The following DNER variants were observed in gnomAD, a reference collection of about 807,000 sequenced individuals.
DNER encodes the protein delta and Notch-like epidermal growth factor-related receptor.
DNER carries 33 observed loss-of-function variants against 78.2 expected under a neutral mutation model. The observed-to-expected ratio is 0.42, with a 90% CI of 0.32 to 0.56. The LOEUF (loss-of-function observed/expected upper bound fraction) is 0.56, where lower values mean the gene tolerates loss of function less well. Among genes scored for constraint, DNER ranks in the 20% least tolerant of loss-of-function variants. DNER has a pLI of 0.11. For missense variants in DNER, 918 were observed against 975.3 expected (o/e 0.94, Z 0.78); for synonymous variants, 417 against 384.8 (o/e 1.08, Z -0.98).
At chr2:229,647,462 G>A (rs7604951) in intron 1 of DNER, among the ~76,000 whole-genome samples, 107,604 of 152,150 alleles carry the variant, frequency 0.71, 40,318 homozygotes, top group Non-Finnish European at 0.83. Context: ...ACATAAACCC[G>A]GAAATGCTTA....
At chr2:229,673,344 C>G (rs375545241) in intron 1 of DNER, among the ~76,000 whole-genome samples, 4 of 152,274 alleles carry the variant, frequency 2.6e-5, no homozygotes, top group Middle Eastern at 3.4e-3. Flanking sequence ...TGACATCATC[C>G]GCAGCAGTTC....
chr2:229,627,960 T>C (rs750603038), intron 1 of DNER, among the ~76,000 whole-genome samples: 1 of 152,200 alleles, frequency 6.6e-6, no homozygotes, highest in Non-Finnish European at 1.5e-5. Context: ...ACATTGCCAC[T>C]TTCCAATCAG....
chr2:229,520,824 T>C (rs965553536), intron 5 of DNER, among the ~76,000 whole-genome samples: 1 of 152,200 alleles, frequency 6.6e-6, no homozygotes, highest in Non-Finnish European at 1.5e-5. Context: ...TTATTTCATA[T>C]CCAAGTGCCA....
chr2:229,630,146 A>T (rs16826282), intron 1 of DNER, among the ~76,000 whole-genome samples: 2,534 of 152,242 alleles, frequency 0.017, 70 homozygotes, highest in African/African-American at 0.057. Flanking sequence ...CCAACTATAA[A>T]AAGAGACCCT....
chr2:229,668,129 A>C (rs1472232759), intron 1 of DNER, among the ~76,000 whole-genome samples: 2 of 152,148 alleles, frequency 1.3e-5, no homozygotes, highest in East Asian at 3.9e-4. Flanking sequence ...TCATGACTGC[A>C]TACACCACCA....
intron 11 of DNER, among the ~76,000 whole-genome samples, chr2:229,381,771 G>C (rs1389283650): frequency 6.6e-6 from 1 of 152,226 alleles, no homozygotes; most frequent in Non-Finnish European, 1.5e-5. Flanking sequence ...AAAAGCAGCA[G>C]CCTCAGTAAG....
chr2:229,707,405 T>C (rs908952511), intron 1 of DNER, among the ~76,000 whole-genome samples: 2 of 152,156 alleles, frequency 1.3e-5, no homozygotes, highest in African/African-American at 4.8e-5. Context: ...AAGCATTTAT[T>C]GAAAAATATT....
chr2:229,369,381 T>C (rs1692429174), intron 11 of DNER, among the ~76,000 whole-genome samples: 2 of 151,030 alleles, frequency 1.3e-5, no homozygotes, highest in African/African-American at 2.4e-5. Context: ...AAGTTTTAAC[T>C]TTCTAAAAAG....
intron 1 of DNER, among the ~76,000 whole-genome samples, chr2:229,618,982 G>T (rs763963662): frequency 2.0e-5 from 3 of 152,042 alleles, no homozygotes; most frequent in Non-Finnish European, 4.4e-5. Flanking sequence ...CACTCCTGCT[G>T]CCCATCTCTA....
chr2:229,559,230 C>T (rs1696911268), intron 4 of DNER, among the ~76,000 whole-genome samples: 1 of 152,026 alleles, frequency 6.6e-6, no homozygotes, highest in Non-Finnish European at 1.5e-5. Flanking sequence ...TTAGAAACAT[C>T]ATGGCTGAAG....
At chr2:229,389,215 G>T (rs144783957) in intron 10 of DNER, among the ~76,000 whole-genome samples, 82 of 152,088 alleles carry the variant, frequency 5.4e-4, no homozygotes, top group African/African-American at 1.8e-3. Flanking sequence ...AACTTTTCAG[G>T]ACACCTTTGC....
At chr2:229,667,637 C>T (rs928222593) in intron 1 of DNER, among the ~76,000 whole-genome samples, 1 of 152,122 alleles carries the variant, frequency 6.6e-6, no homozygotes, top group Non-Finnish European at 1.5e-5. Flanking sequence ...AAATGACAGC[C>T]ATTTGGGAGT....
intron 5 of DNER, among the ~76,000 whole-genome samples, chr2:229,546,109 T>C (rs1221939385): frequency 6.6e-6 from 1 of 152,242 alleles, no homozygotes; most frequent in Non-Finnish European, 1.5e-5. Flanking sequence ...GAAAATCATA[T>C]GGAGATTTAA....
Position 229,684,120 on chromosome 2 carries a change from GTGTTTGTGTGTGTGTC to G in DNER, c.276+30012_276+30027del, listed in dbSNP as rs1445998401. ...TACCAGAGTGTGTGTGTGTGTGTGT[GTGTTTGTGTGTGTGTC>G]TGTGTATGTGAGAGAGAGAGAGAGA... is the stretch of plus-strand genomic sequence containing the variant. On this transcript the variant is annotated intron_variant, in intron 1 of 12. Transcript: ENST00000341772. Among the ~76,000 whole-genome samples, 14 of 113,736 alleles carry G rather than the reference GTGTTTGTGTGTGTGTC, an allele frequency of 1.2e-4. No individual in the cohort carries two copies. In the East Asian group the frequency reaches 3.4e-3, roughly 28 times the overall value. 74.6% of individuals were successfully genotyped at this position (113,736 alleles called of 152,430 possible).
At chr2:229,436,553 A>G (rs1043758811) in intron 8 of DNER, among the ~76,000 whole-genome samples, 1 of 152,206 alleles carries the variant, frequency 6.6e-6, no homozygotes, top group African/African-American at 2.4e-5. Flanking sequence ...AGAGAGAAGG[A>G]GCAGGTCACC....
chr2:229,388,121 G>C (rs1692936527), intron 11 of DNER, 144 bp downstream of exon 11: 3 of 1,231,370 alleles, frequency 2.4e-6, no homozygotes, highest in Middle Eastern at 2.5e-4. Flanking sequence ...GTGTAGCTCC[G>C]GTTGTCCCTC....
At chr2:229,609,770 C>G (rs16826265) in intron 1 of DNER, among the ~76,000 whole-genome samples, 6,692 of 152,232 alleles carry the variant, frequency 0.044, 446 homozygotes, top group African/African-American at 0.14. Context: ...AAGGCAAGGA[C>G]GATTTTCTTC....
chr2:229,551,391 T>C (rs1383279208), intron 4 of DNER, among the ~76,000 whole-genome samples: 1 of 139,374 alleles, frequency 7.2e-6, no homozygotes, highest in East Asian at 2.2e-4. Context: ...CTCAGCACTT[T>C]GGGAGGCAGA....
chr2:229,587,443 A>T (rs748875843), intron 3 of DNER, among the ~76,000 whole-genome samples: 3 of 152,134 alleles, frequency 2.0e-5, no homozygotes, highest in Non-Finnish European at 4.4e-5. Context: ...TGCAAGAGCA[A>T]TGTAACAAAG....
Sources: allele counts gnomAD v4.1 joint callset (sites outside exome capture counted in the v4.1 genomes callset), GRCh38; gene constraint gnomAD v4.1.1; transcripts MANE v1.5; gene names NCBI Gene and HGNC (gene_info 2026-07-23, HGNC 2026-07-21).